The following VPS13C variants were observed in gnomAD, a reference collection of about 807,000 sequenced individuals.
VPS13C encodes intermembrane lipid transfer protein VPS13C.
Under a neutral mutation model 456.8 loss-of-function variants are expected in VPS13C, and 358 were observed. The ratio of observed to expected loss-of-function variants is 0.78; its 90% confidence interval spans 0.72 to 0.86. The LOEUF is 0.86. VPS13C is among the 40% of genes least tolerant of loss of function. The probability of loss-of-function intolerance (pLI) is 0.00; values close to 1 mark genes in which losing one functional copy is unlikely to be tolerated. For missense variants in VPS13C, 4,818 were observed against 4,385.4 expected (o/e 1.10, Z -2.79); for synonymous variants, 1,578 against 1,486.7 (o/e 1.06, Z -1.41).
chr15:61,856,687 C>CTTTTTTTTT (rs542779595), intron 82 of VPS13C: 39 of 114,790 alleles, frequency 3.4e-4, no homozygotes, highest in East Asian at 8.5e-4. Context: ...TTTTTCTTTT[C>CTTTTTTTTT]TTTTTTTTTT....
At chr15:61,879,392 G>C (rs1566964549) in intron 73 of VPS13C, 6 of 152,064 alleles carry the variant, frequency 3.9e-5, no homozygotes. Flanking sequence ...AAGTGGACTT[G>C]GGGCAACGCC....
At chr15:62,056,880 C>T (rs1262772029) in intron 1 of VPS13C, among the ~76,000 whole-genome samples, 1 of 152,204 alleles carries the variant, frequency 6.6e-6, no homozygotes, top group Non-Finnish European at 1.5e-5. Flanking sequence ...AGGGAAGGGC[C>T]CCCTGTCCTG....
intron 34 of VPS13C, 88 bp from the exon 35 acceptor site, chr15:61,961,981 C>CT (rs912569091): frequency 3.2e-4 from 437 of 1,386,460 alleles, no homozygotes; most frequent in South Asian, 3.6e-4. Context: ...CATGTGGTAA[C>CT]TTTTTTTTTC....
At chr15:61,896,664 G>C (rs931155330) in intron 66 of VPS13C, among the ~76,000 whole-genome samples, 135 of 151,956 alleles carry the variant, frequency 8.9e-4, no homozygotes, top group Non-Finnish European at 1.3e-3. Context: ...AGGCGGCAGC[G>C]AGGCTGGGGG....
At position 61,931,292 on chromosome 15, in the gene VPS13C, T is replaced by G. The variant is rs1186940981; in HGVS notation, c.5869-33A>C. The stretch of plus-strand genomic sequence containing the variant: ...ACATTTTTCAAGCAAAAGAATCAAT[T>G]ACCTTTAAATATTATATAATTACTT... On this transcript the variant is annotated intron_variant, in intron 49 of 84. Transcript: ENST00000644861. 1.9e-6 allele frequency: 3 copies of G among 1,553,312 alleles called. No individual in the cohort carries two copies. In the African/African-American group the frequency reaches 4.2e-5, roughly 22 times the overall value.
chr15:61,859,229 G>T (rs1337980590), intron 82 of VPS13C, among the ~76,000 whole-genome samples: 1 of 151,998 alleles, frequency 6.6e-6, no homozygotes, highest in Non-Finnish European at 1.5e-5. Context: ...AAATTAGCTG[G>T]TGAATGCCTG....
intron 5 of VPS13C, among the ~76,000 whole-genome samples, chr15:62,032,920 A>T (rs1240413609): frequency 1.3e-5 from 2 of 151,766 alleles, no homozygotes; most frequent in Non-Finnish European, 3.0e-5. Flanking sequence ...GATAAAAACA[A>T]AAATGTAAAC....
At chr15:61,871,228 T>C (rs1286733247) in intron 79 of VPS13C, among the ~76,000 whole-genome samples, 2 of 152,188 alleles carry the variant, frequency 1.3e-5, no homozygotes, top group African/African-American at 4.8e-5. Context: ...TTAATGGTTT[T>C]GCTCTTACAT....
chr15:61,957,194 A>G (rs1379740557), intron 37 of VPS13C, among the ~76,000 whole-genome samples: 1 of 152,168 alleles, frequency 6.6e-6, no homozygotes, highest in Non-Finnish European at 1.5e-5. Context: ...AAAGAAGCCA[A>G]ACATCGAAGA....
chr15:62,042,324 A>C (rs1427920250), intron 2 of VPS13C, among the ~76,000 whole-genome samples: 1 of 152,196 alleles, frequency 6.6e-6, no homozygotes, highest in Non-Finnish European at 1.5e-5. Flanking sequence ...AATTATTAAA[A>C]ATTAAACCAG....
chr15:61,891,546 T>C (rs1052563386), intron 66 of VPS13C, among the ~76,000 whole-genome samples: 1 of 152,210 alleles, frequency 6.6e-6, no homozygotes, highest in African/African-American at 2.4e-5. Context: ...ACAGTTATTA[T>C]TCCAATATTA....
At chr15:61,931,382 T>C (rs1463001108) in intron 49 of VPS13C, 123 bp from the exon 50 acceptor site, 1 of 942,290 alleles carries the variant, frequency 1.1e-6, no homozygotes, top group Non-Finnish European at 1.5e-6. Context: ...AAAGTATGAG[T>C]GCTAAAACAT....
chr15:61,913,793 T>C (rs1387629887), intron 61 of VPS13C, among the ~76,000 whole-genome samples: 4 of 152,332 alleles, frequency 2.6e-5, no homozygotes, highest in South Asian at 2.1e-4. Context: ...AGAGAATTTA[T>C]GTCTTCAACA....
rs187736770 is a variant in VPS13C, at chr15:62,059,154, T to C, written c.100+1121A>G. Among the ~76,000 whole-genome samples the C allele has an allele frequency of 8.5e-3, 1,300 of 152,318 alleles. 8 individuals are homozygous for C. The highest frequency in any genetic ancestry group is 0.013 in the Non-Finnish European group (896 of 68,024). ...CAACACATAAGCAACATAAAAATTA[T>C]TGAGGTATTATTTTTTTCTCCTACT... On this transcript the variant is annotated intron_variant, in intron 1 of 84. Transcript: ENST00000644861.
chr15:61,893,095 C>T lies in VPS13C; in HGVS notation c.9106-2695G>A, dbSNP rs2042700436. On this transcript the variant is annotated intron_variant, in intron 66 of 84. Coordinates refer to ENST00000644861, the MANE Select transcript of VPS13C (RefSeq NM_020821.3). Reference sequence around the variant, plus strand: ...AAGAATTAACAAGAAAATACTTTCCCTATTGGAGAAAGATAGAAATACACA... The same window carrying T: ...AAGAATTAACAAGAAAATACTTTCCTTATTGGAGAAAGATAGAAATACACA... 2.6e-5 allele frequency among the ~76,000 whole-genome samples: 4 copies of T among 152,096 alleles called. No homozygotes were observed. The South Asian group carries it at 8.3e-4, about 32-fold the overall frequency.
chr15:62,016,696 A>G (rs1443466642), intron 9 of VPS13C, among the ~76,000 whole-genome samples: 1 of 152,012 alleles, frequency 6.6e-6, no homozygotes, highest in Non-Finnish European at 1.5e-5. Flanking sequence ...GTTGGTTCCA[A>G]GTCTTTGCTA....
At chr15:61,999,278 C>A (rs1343821132) in intron 16 of VPS13C, among the ~76,000 whole-genome samples, 1 of 151,754 alleles carries the variant, frequency 6.6e-6, no homozygotes, top group Non-Finnish European at 1.5e-5. Context: ...ACTCAGGAGG[C>A]TGAGACAGGA....
chr15:62,032,645 T>C (rs574822602), intron 5 of VPS13C, among the ~76,000 whole-genome samples: 2 of 151,922 alleles, frequency 1.3e-5, no homozygotes, highest in East Asian at 1.9e-4. Context: ...TATCTAAATA[T>C]AATTAACATC....
chr15:61,928,477 A>T (rs979401508), intron 51 of VPS13C, among the ~76,000 whole-genome samples: 3 of 152,208 alleles, frequency 2.0e-5, no homozygotes, highest in African/African-American at 7.2e-5. Flanking sequence ...TATTTAAAAA[A>T]CATTAAAGGT....
Sources: allele counts gnomAD v4.1 joint callset (sites outside exome capture counted in the v4.1 genomes callset), GRCh38; gene constraint gnomAD v4.1.1; transcripts MANE v1.5; gene names NCBI Gene and HGNC (gene_info 2026-07-23, HGNC 2026-07-21).